Variants in CNTN4 observed in about 807,000 individuals in gnomAD.
The protein encoded by CNTN4 is contactin-4.
CNTN4 carries 77 observed loss-of-function variants against 122.5 expected under a neutral mutation model. The ratio of observed to expected loss-of-function variants is 0.63; its 90% CI spans 0.52 to 0.76. CNTN4 has a LOEUF of 0.76. CNTN4 is among the 30% of genes least tolerant of loss of function. CNTN4 has a pLI of 0.00. For synonymous variants in CNTN4, 512 were observed against 447.0 expected (o/e 1.15, Z -1.83); for missense variants, 1,256 against 1,259.1 (o/e 1.00, Z 0.04).
At chr3:2,609,014 A>G (rs999206484) in intron 4 of CNTN4, among the ~76,000 whole-genome samples, 1 of 152,204 alleles carries the variant, frequency 6.6e-6, no homozygotes, top group Non-Finnish European at 1.5e-5. Context: ...GAAATTTTTT[A>G]AAAACCCTCA....
At chr3:2,641,324 T>G (rs2619578) in intron 4 of CNTN4, among the ~76,000 whole-genome samples, 74,893 of 151,836 alleles carry the variant, frequency 0.49, 18,884 homozygotes, top group East Asian at 0.71. Flanking sequence ...TACATTCTGT[T>G]GAAACTTCCC....
Position 2,268,500 on chromosome 3 carries a change from T to TAC in CNTN4, c.-144-70677_-144-70676insCA, listed in dbSNP as rs1243649009. On this transcript the variant is annotated intron_variant, in intron 2 of 24. Transcript: ENST00000418658. Reference sequence around the variant, plus strand: ...GGGAGCAGGAATTTGATTCTTTTATTATATTAATAGTATCTGTTACATAAT... The same window carrying TAC: ...GGGAGCAGGAATTTGATTCTTTTATTACATATTAATAGTATCTGTTACATAAT... Among the ~76,000 whole-genome samples, 668 of 152,242 alleles carry TAC rather than the reference T, an allele frequency of 4.4e-3. 9 individuals carry two copies. Among genetic ancestry groups the TAC allele is most frequent in the African/African-American group, 0.015 (642 of 41,560 alleles).
intron 3 of CNTN4, among the ~76,000 whole-genome samples, chr3:2,421,698 G>A (rs749999762): frequency 3.3e-5 from 5 of 152,130 alleles, no homozygotes; most frequent in Admixed American, 6.5e-5. Context: ...TCTAACATCT[G>A]TTCATTGAAA....
intron 3 of CNTN4, among the ~76,000 whole-genome samples, chr3:2,343,021 T>C (rs2044265188): frequency 6.6e-6 from 1 of 152,232 alleles, no homozygotes; most frequent in Admixed American, 6.5e-5. Context: ...TAAAGCCTTG[T>C]GAATACACTA....
chr3:2,341,654 T>A (rs745918643), intron 3 of CNTN4, among the ~76,000 whole-genome samples: 2 of 152,208 alleles, frequency 1.3e-5, no homozygotes, highest in African/African-American at 2.4e-5. Context: ...CTACCACAGA[T>A]TGTAAAAGTT....
At chr3:2,462,132 A>G (rs1024278666) in intron 3 of CNTN4, among the ~76,000 whole-genome samples, 11 of 152,208 alleles carry the variant, frequency 7.2e-5, no homozygotes, top group Admixed American at 3.3e-4. Context: ...TCAAGTGTCA[A>G]CAGTGTTATA....
intron 3 of CNTN4, among the ~76,000 whole-genome samples, chr3:2,505,582 C>G (rs34801323): frequency 0.15 from 22,327 of 152,212 alleles, 1,923 homozygotes; most frequent in Middle Eastern, 0.2. Flanking sequence ...CAAAGACCTA[C>G]ATAAATATAT....
intron 3 of CNTN4, among the ~76,000 whole-genome samples, chr3:2,530,300 TCTC>T (rs1333530105): frequency 1.1e-4 from 17 of 151,108 alleles, no homozygotes; most frequent in Non-Finnish European, 2.4e-4. Context: ...TCTTCTTCTT[TCTC>T]CTCTTCTTTT....
At chr3:2,642,085 A>AAT (rs2150123656) in intron 4 of CNTN4, among the ~76,000 whole-genome samples, 1 of 152,348 alleles carries the variant, frequency 6.6e-6, no homozygotes, top group South Asian at 2.1e-4. Flanking sequence ...AAGGTCCCGC[A>AAT]ATAGGCTGTC....
chr3:2,177,293 A>G (rs1357633421), intron 2 of CNTN4, among the ~76,000 whole-genome samples: 1 of 152,138 alleles, frequency 6.6e-6, no homozygotes, highest in Non-Finnish European at 1.5e-5. Context: ...ATTTTCATGT[A>G]TTTTATTGAT....
rs540451532 is a variant in CNTN4 at position 2,685,695 on chromosome 3, G to T, written c.56-50520G>T. 1.0e-3 allele frequency among the ~76,000 whole-genome samples: 157 copies of T among 151,856 alleles called. 2 individuals carry two copies. Among genetic ancestry groups the T allele is most frequent in the Non-Finnish European group, 1.1e-3 (72 of 67,908 alleles). On this transcript the variant is annotated intron_variant, in intron 4 of 24. Coordinates refer to ENST00000418658, the MANE Select transcript of CNTN4 (RefSeq NM_175607.3). The stretch of plus-strand genomic sequence containing the variant: ...TTCTTTTTCTTAGTGTGTTTTTTTT[G>T]TTGTTGTTGTTCTTGTTGAAGCATG...
chr3:2,369,794 GAAATAGT>G, intron 3 of CNTN4, among the ~76,000 whole-genome samples: 1 of 152,184 alleles, frequency 6.6e-6, no homozygotes, highest in Non-Finnish European at 1.5e-5. Flanking sequence ...AAAAATAAAA[GAAATAGT>G]AACAGTTGCA....
chr3:2,715,375 G>C (rs1323312285), intron 4 of CNTN4, among the ~76,000 whole-genome samples: 2 of 152,168 alleles, frequency 1.3e-5, no homozygotes, highest in African/African-American at 4.8e-5. Context: ...ATTATAATGT[G>C]AGGCAGTATG....
rs931476037 is a variant in CNTN4 at position 2,385,745 on chromosome 3, G to A, written c.-89+46512G>A. Among the ~76,000 whole-genome samples, 1 of 151,984 alleles carries A rather than the reference G, an allele frequency of 6.6e-6. No homozygotes were observed. The highest frequency in any genetic ancestry group is 2.1e-4 in the South Asian group (1 of 4,818). On this transcript the variant is annotated intron_variant, in intron 3 of 24. Transcript: ENST00000418658. This position sits in a 1 kb window ranked among gnomAD's most constrained non-coding sequence, Gnocchi z 4.0. ...TTTTCCTCTTCTCATAAGGACATAA[G>A]TCTTATTGGATATGACCTATCCTAA...
intron 14 of CNTN4, among the ~76,000 whole-genome samples, chr3:2,996,735 C>A: frequency 6.6e-6 from 1 of 152,068 alleles, no homozygotes; most frequent in Admixed American, 6.6e-5. Flanking sequence ...GCATTGAAAA[C>A]CTCACATGTT....
In CNTN4 at chr3:2,290,897, C is replaced by T. The variant is rs77041899; in HGVS notation, c.-144-48281C>T. Among the ~76,000 whole-genome samples the T allele has an allele frequency of 6.3e-3, 957 of 152,070 alleles. 6 individuals are homozygous for T. The highest frequency in any genetic ancestry group is 0.024 in the Middle Eastern group (7 of 294). On this transcript the variant is annotated intron_variant, in intron 2 of 24. Transcript: ENST00000418658. ...GAGTTTATTGTGGCTAAAATGACCA[C>T]GTTTTTCAAAGAAAAATCGACACTA...
chr3:2,388,558 C>G (rs564722284), intron 3 of CNTN4, among the ~76,000 whole-genome samples: 82 of 152,332 alleles, frequency 5.4e-4, no homozygotes, highest in African/African-American at 1.9e-3. Flanking sequence ...ATCTACCTAA[C>G]CAATGGCTGG....
chr3:2,486,114 GAAC>G (rs1022609047), intron 3 of CNTN4, among the ~76,000 whole-genome samples: 6 of 152,108 alleles, frequency 3.9e-5, no homozygotes, highest in Admixed American at 3.9e-4. Flanking sequence ...CCACTGGGAG[GAAC>G]AACAACTCCA....
At chr3:2,113,444 A>T (rs747483243) in intron 2 of CNTN4, among the ~76,000 whole-genome samples, 12 of 152,082 alleles carry the variant, frequency 7.9e-5, no homozygotes, top group Non-Finnish European at 1.3e-4. Context: ...AAATGCAGAA[A>T]TTTTTTCCTC....
Sources: gnomAD v4.1 joint callset for allele counts (sites outside exome capture counted in the v4.1 genomes callset) on GRCh38, gnomAD v4.1.1 for gene constraint, Gnocchi (gnomAD v3.1) non-coding constraint, MANE v1.5 for transcripts, NCBI Gene and HGNC (gene_info 2026-07-23, HGNC 2026-07-21) for gene names.